CAMKK2: variants seen among roughly 807,000 people sequenced by gnomAD.
CAMKK2 encodes calcium/calmodulin dependent protein kinase kinase 2.
In CAMKK2, 30 loss-of-function variants were observed where a neutral mutation model predicts 67.2. The ratio of observed to expected loss-of-function variants is 0.45; its 90% CI spans 0.33 to 0.61. The LOEUF is 0.61. CAMKK2 is among the 20% of genes least tolerant of loss of function. The pLI, the probability that CAMKK2 is intolerant of heterozygous loss-of-function variation, is 0.02. For missense variants in CAMKK2, 643 were observed against 802.0 expected (o/e 0.80, Z 2.39); for synonymous variants, 322 against 326.2 (o/e 0.99, Z 0.14).
chr12:121,257,425 T>C (rs1384092678), intron 7 of CAMKK2, among the ~76,000 whole-genome samples: 1 of 152,030 alleles, frequency 6.6e-6, no homozygotes, highest in African/African-American at 2.4e-5. Flanking sequence ...TTTTTGTATT[T>C]TTAGTAAAGA....
At chr12:121,252,131 A>G (rs1452700428) in intron 11 of CAMKK2, among the ~76,000 whole-genome samples, 2 of 151,970 alleles carry the variant, frequency 1.3e-5, no homozygotes, top group Non-Finnish European at 2.9e-5. Context: ...CTATTTATAA[A>G]CTCTAGAGCC....
chr12:121,268,352 T>C (rs1225814492), intron 5 of CAMKK2, among the ~76,000 whole-genome samples: 1 of 152,034 alleles, frequency 6.6e-6, no homozygotes, highest in African/African-American at 2.4e-5. Context: ...TTTTCCTCTA[T>C]TGGATTTTTT....
In CAMKK2 at chr12:121,253,586, C is replaced by A; in HGVS notation, c.908-114G>T. 1.2e-6 allele frequency: 1 copy of A among 865,926 alleles called. No individual in the cohort carries two copies. The highest frequency in any genetic ancestry group is 1.9e-6 in the Non-Finnish European group (1 of 526,588). The allele number at this position is 865,926 out of a possible 1,614,324, so 53.6% of individuals were successfully genotyped here. Reference sequence around the variant, plus strand: ...ATGGCACCCCTCTGATGCCTTGTCTCCCACAGCCCCAGGCCTTTTCCAACC... The same window carrying A: ...ATGGCACCCCTCTGATGCCTTGTCTACCACAGCCCCAGGCCTTTTCCAACC... On this transcript the variant is annotated intron_variant, in intron 9 of 16. Coordinates refer to ENST00000404169, the MANE Select transcript of CAMKK2 (RefSeq NM_001270485.2). The surrounding 1 kb of genome is among the most constrained non-coding windows in gnomAD (Gnocchi z 5.0).
intron 9 of CAMKK2, among the ~76,000 whole-genome samples, chr12:121,255,299 T>TAA (rs1891856648): frequency 2.0e-5 from 1 of 49,376 alleles, no homozygotes; most frequent in African/African-American, 6.8e-5. Flanking sequence ...ATTATATATA[T>TAA]AATTTTATAT....
chr12:121,255,015 C>A (rs754905046), intron 9 of CAMKK2, among the ~76,000 whole-genome samples: 2 of 150,818 alleles, frequency 1.3e-5, no homozygotes, highest in Admixed American at 6.7e-5. Flanking sequence ...AAAGGTGAGA[C>A]TGGCCTAGCC....
rs202066052 is a variant in CAMKK2, at chr12:121,248,741, C to T, written c.1324-7G>A. 1.6e-5 allele frequency: 26 copies of T among 1,613,752 alleles called. No individual in the cohort carries two copies. Among genetic ancestry groups the T allele is most frequent in the South Asian group, 1.2e-4 (11 of 91,096 alleles). ...TCGTGACCCAGGGGTGCAGCTTCAA[C>T]GAACGACAGGAGGGGTGAGGGGCAG... is the stretch of plus-strand genomic sequence containing the variant. On this transcript the variant is annotated splice_region_variant and splice_polypyrimidine_tract_variant and intron_variant, in intron 13 of 16. Coordinates refer to ENST00000404169, the MANE Select transcript of CAMKK2 (RefSeq NM_001270485.2).
intron 13 of CAMKK2, among the ~76,000 whole-genome samples, chr12:121,249,537 A>G (rs1038377910): frequency 2.0e-5 from 3 of 152,196 alleles, no homozygotes; most frequent in Admixed American, 1.3e-4. Context: ...GGATCCCATC[A>G]GCCCACGCCA....
At chr12:121,270,075 GA>G (rs548269367) in intron 3 of CAMKK2, among the ~76,000 whole-genome samples, 1 of 150,344 alleles carries the variant, frequency 6.7e-6, no homozygotes, top group Non-Finnish European at 1.5e-5. Flanking sequence ...GTCTGATATA[GA>G]AATCTATATT....
rs140151408 is a variant in CAMKK2 at position 121,292,164 on chromosome 12, C to T, written c.-60+4474G>A. 4.3e-3 allele frequency among the ~76,000 whole-genome samples: 655 copies of T among 151,500 alleles called. 5 individuals carry two copies. The highest frequency in any genetic ancestry group is 0.013 in the African/African-American group (543 of 41,292). On this transcript the variant is annotated intron_variant, in intron 1 of 16. Transcript: ENST00000404169. ...CTTTTGAGAAGGAGTCTTGCTTTGT[C>T]GCCCAGGCAGGAGTGCAGTGGCACG...
intron 5 of CAMKK2, among the ~76,000 whole-genome samples, chr12:121,267,103 C>CTTTTT (rs1200740861): frequency 5.7e-5 from 2 of 35,104 alleles, no homozygotes; most frequent in African/African-American, 2.2e-4. Context: ...TTTAATTTAT[C>CTTTTT]TTTTTTTTTT....
intron 6 of CAMKK2, among the ~76,000 whole-genome samples, chr12:121,261,706 T>C (rs967265092): frequency 6.6e-6 from 1 of 152,246 alleles, no homozygotes; most frequent in African/African-American, 2.4e-5. Context: ...GAAGGCACCA[T>C]GTACTCCCCC....
chr12:121,261,411 A>G (rs577962486), intron 6 of CAMKK2, among the ~76,000 whole-genome samples: 1 of 152,248 alleles, frequency 6.6e-6, no homozygotes, highest in African/African-American at 2.4e-5. Flanking sequence ...ACCGGTGGTG[A>G]TGGCCTGCAA....
chr12:121,276,557 C>T (rs1050839857), intron 1 of CAMKK2, among the ~76,000 whole-genome samples: 33 of 152,164 alleles, frequency 2.2e-4, no homozygotes, highest in Admixed American at 2.0e-3. Context: ...CTTTGCTTAA[C>T]GTGTTTGACA....
chr12:121,257,534 A>T (rs1308924727), intron 7 of CAMKK2, among the ~76,000 whole-genome samples: 4 of 152,072 alleles, frequency 2.6e-5, no homozygotes, highest in Non-Finnish European at 5.9e-5. Flanking sequence ...AGGCAAAAAA[A>T]TTTTTTAAAA....
chr12:121,279,694 A>T (rs143416722), intron 1 of CAMKK2, among the ~76,000 whole-genome samples: 126 of 152,300 alleles, frequency 8.3e-4, no homozygotes, highest in African/African-American at 2.8e-3. Context: ...CTGGCCCTGC[A>T]TCCTTCCCCA....
rs568977744 is a variant in CAMKK2, at chr12:121,245,170, C to T, written c.1523G>A (p.Arg508His). 1.3e-5 allele frequency: 21 copies of T among 1,606,450 alleles called. No individual in the cohort carries two copies. The East Asian group carries it at 2.7e-4, about 21-fold the overall frequency. ...CAAGTTTCCAGGCGCTGACAGTGAG[C>T]GTTCCTCCCGCCGGCTGCCCTCGAA... ...NPFEGSRREE[R>H]SLSAPGNLLT... Residue 508 changes from arginine (R) to histidine (H), a missense_variant, in exon 15 of 17, where the codon CGC becomes CAC. Arg to His is a conservative substitution (Grantham distance 29, BLOSUM62 0). This residue lies in a region of CAMKK2 where 140 missense variants were observed against 124.2 expected (regional missense o/e 1.13). Coordinates refer to ENST00000404169, the MANE Select transcript of CAMKK2 (RefSeq NM_001270485.2). This position sits in a 1 kb window ranked among gnomAD's most constrained non-coding sequence, Gnocchi z 5.8.
At chr12:121,273,591 A>T (rs1471661280) in intron 2 of CAMKK2, among the ~76,000 whole-genome samples, 1 of 151,836 alleles carries the variant, frequency 6.6e-6, no homozygotes, top group Non-Finnish European at 1.5e-5. Context: ...TCATTCCATC[A>T]CACCTTCGCC....
At chr12:121,294,819 C>T (rs1237464870) in intron 1 of CAMKK2, among the ~76,000 whole-genome samples, 1 of 152,190 alleles carries the variant, frequency 6.6e-6, no homozygotes, top group Non-Finnish European at 1.5e-5. Context: ...TAACACATAG[C>T]ACAGAATCTG....
intron 5 of CAMKK2, among the ~76,000 whole-genome samples, chr12:121,267,447 T>C (rs1894851179): frequency 6.6e-6 from 1 of 151,398 alleles, no homozygotes; most frequent in South Asian, 2.1e-4. Context: ...TTTAATGGTT[T>C]TTAGTGCTGA....
Sources: gnomAD v4.1 joint callset for allele counts (sites outside exome capture counted in the v4.1 genomes callset) on GRCh38, gnomAD v4.1.1 for gene constraint, gnomAD v4.1.1 regional missense constraint, Gnocchi (gnomAD v3.1) non-coding constraint, MANE v1.5 for transcripts, NCBI Gene and HGNC (gene_info 2026-07-23, HGNC 2026-07-21) for gene names.